The following DHX40 variants were observed in gnomAD, a reference collection of about 807,000 sequenced individuals.
DHX40 encodes probable ATP-dependent RNA helicase DHX40.
In DHX40, 28 loss-of-function variants were observed where a neutral mutation model predicts 89.6. That is an observed-to-expected ratio of 0.31 (90% CI 0.23 to 0.43). DHX40 has a LOEUF of 0.43. Among genes scored for constraint, DHX40 ranks in the 20% least tolerant of loss-of-function variants. The pLI is 1.00. For synonymous variants in DHX40, 226 were observed against 283.6 expected, an observed-to-expected ratio of 0.80 and a Z score of 2.04; for missense variants, 457 against 844.0, an observed-to-expected ratio of 0.54 and a Z score of 5.68.
chr17:59,605,640 A>G lies in DHX40; in HGVS notation c.2166A>G (p.Arg722=), dbSNP rs879331825. 6.2e-7 allele frequency: 1 copy of G among 1,613,564 alleles called. No individual in the cohort carries two copies. The highest frequency in any genetic ancestry group is 8.5e-7 in the Non-Finnish European group (1 of 1,179,862). ...RREVREDARR[R]WTNKENVKQL... ...AAGTGAGAGAAGATGCAAGAAGGAGATGGACAAATAAGGAAAATGTAAAGC... is the reference window on the plus strand; with the variant it reads ...AAGTGAGAGAAGATGCAAGAAGGAGGTGGACAAATAAGGAAAATGTAAAGC... The change falls in exon 17 of 18, where the codon AGA becomes AGG. Residue 722 remains arginine (R), a synonymous_variant. Transcript: ENST00000251241.
intron 14 of DHX40, among the ~76,000 whole-genome samples, chr17:59,601,030 A>G (rs773061377): frequency 6.6e-6 from 1 of 151,356 alleles, no homozygotes; most frequent in Admixed American, 6.6e-5. Flanking sequence ...CCGACAGTGC[A>G]TGGTAGCTCA....
intron 2 of DHX40, among the ~76,000 whole-genome samples, chr17:59,570,076 A>G (rs912356382): frequency 5.7e-5 from 6 of 104,976 alleles, no homozygotes; most frequent in Admixed American, 5.7e-4. Flanking sequence ...ATTATAATGT[A>G]TATTTATATA....
At chr17:59,594,109 G>A (rs1200232774) in intron 12 of DHX40, among the ~76,000 whole-genome samples, 2 of 152,088 alleles carry the variant, frequency 1.3e-5, no homozygotes, top group Non-Finnish European at 2.9e-5. Flanking sequence ...TTCTCAGAAG[G>A]CACAGCTTTG....
At chr17:59,569,192 G>A (rs2048751749) in intron 2 of DHX40, among the ~76,000 whole-genome samples, 1 of 152,126 alleles carries the variant, frequency 6.6e-6, no homozygotes, top group Admixed American at 6.6e-5. Context: ...GCTGGGTGTG[G>A]TGGCGCGCAC....
intron 2 of DHX40, 28 bp downstream of exon 2, chr17:59,566,822 A>C (rs754520733): frequency 7.1e-6 from 11 of 1,540,038 alleles, no homozygotes; most frequent in Non-Finnish European, 9.6e-6. Flanking sequence ...TAATAATTGG[A>C]AATATTTTAA....
Position 59,588,057 on chromosome 17 carries a change from A to G in DHX40, c.1582+4A>G. 2 of 1,611,812 alleles carry G rather than the reference A, an allele frequency of 1.2e-6. No individual in the cohort carries two copies. Among genetic ancestry groups the G allele is most frequent in the Non-Finnish European group, 1.7e-6 (2 of 1,179,168 alleles). On this transcript the variant is annotated splice_donor_region_variant and intron_variant, in intron 12 of 17. Coordinates refer to ENST00000251241, the MANE Select transcript of DHX40 (RefSeq NM_024612.5). ...GAAAACGTCTTCATTAGACCTGGTAAGATGTTTATTTTAAGTTGTGTTTTT... is the reference window on the plus strand; with the variant it reads ...GAAAACGTCTTCATTAGACCTGGTAGGATGTTTATTTTAAGTTGTGTTTTT...
chr17:59,599,855 A>T (rs2030370744), intron 14 of DHX40, among the ~76,000 whole-genome samples: 1 of 140,872 alleles, frequency 7.1e-6, no homozygotes, highest in South Asian at 2.2e-4. Context: ...ATGGAGTCTC[A>T]CTCTGTCACC....
chr17:59,567,482 G>A (rs992744799), intron 2 of DHX40, among the ~76,000 whole-genome samples: 1 of 152,194 alleles, frequency 6.6e-6, no homozygotes, highest in African/African-American at 2.4e-5. Context: ...ACTTTGAAAT[G>A]AGCAATCTGC....
rs369271803 is a variant in DHX40, at chr17:59,569,857, C to T, written c.281-661C>T. 4.6e-3 allele frequency among the ~76,000 whole-genome samples: 670 copies of T among 145,278 alleles called. 12 individuals carry two copies. The South Asian group carries it at 0.05, about 11-fold the overall frequency. ...GGTTGGGAGTACAAGACCAGCCTGA[C>T]CAACAGGGAAAAAACCCGTCTCTGC... On this transcript the variant is annotated intron_variant, in intron 2 of 17. Transcript: ENST00000251241.
In DHX40 at chr17:59,607,353, C is replaced by G. The variant is rs2030932086; in HGVS notation, c.*181C>G. On this transcript the variant is annotated 3_prime_UTR_variant, in exon 18 of 18. Transcript: ENST00000251241. ...CATCAGTTCCCATAAATGCAGTTGT[C>G]AAAGAAAAGATTTGGTTGCCATAGT... 8 of 1,242,140 alleles carry G rather than the reference C, an allele frequency of 6.4e-6. No homozygotes were observed. Among genetic ancestry groups the G allele is most frequent in the Non-Finnish European group, 9.1e-6 (8 of 883,290 alleles). 76.9% of individuals were successfully genotyped at this position (1,242,140 alleles called of 1,614,324 possible). A position where few individuals can be genotyped will look rare whatever the true frequency, so the allele number is the denominator to read the frequency against.
intron 2 of DHX40, among the ~76,000 whole-genome samples, chr17:59,567,680 A>G (rs1043864049): frequency 6.6e-6 from 1 of 152,064 alleles, no homozygotes; most frequent in African/African-American, 2.4e-5. Flanking sequence ...TAATCCCAGC[A>G]CTTTGGGAGC....
chr17:59,606,829 GGTCA>G (rs1209235515), intron 17 of DHX40, among the ~76,000 whole-genome samples, 200 bp from the exon 18 acceptor site: 4 of 151,912 alleles, frequency 2.6e-5, no homozygotes, highest in Admixed American at 1.3e-4. Context: ...CTTGAATTAG[GGTCA>G]GTTTTTCTGA....
intron 12 of DHX40, among the ~76,000 whole-genome samples, chr17:59,596,509 A>G (rs1406463294): frequency 6.6e-6 from 1 of 152,230 alleles, no homozygotes; most frequent in Non-Finnish European, 1.5e-5. Flanking sequence ...TGGATGTTGC[A>G]GTGAGCCAAG....
intron 2 of DHX40, among the ~76,000 whole-genome samples, chr17:59,569,971 G>T (rs1003010613): frequency 2.1e-5 from 3 of 142,990 alleles, no homozygotes; most frequent in Admixed American, 7.5e-5. Context: ...TTGAACCTGG[G>T]ACGCAGAGGT....
rs759920447 is a variant in DHX40, at chr17:59,602,564, G to A, written c.1849G>A (p.Glu617Lys). 15 of 1,613,710 alleles carry A rather than the reference G, an allele frequency of 9.3e-6. No homozygotes were observed. Residue 617 changes from glutamate to lysine, a missense_variant, in exon 15 of 18, where the codon GAA becomes AAA. Transcript: ENST00000251241. ...AGAGACCTTTGAAGGCCCTAAACATGAAGTACTACGAAGATGTCTTTGTGC... is the reference window on the plus strand; with the variant it reads ...AGAGACCTTTGAAGGCCCTAAACATAAAGTACTACGAAGATGTCTTTGTGC... ...PKETFEGPKHEVLRRCLCAGY... is the reference protein window; with the variant it reads ...PKETFEGPKHKVLRRCLCAGY...
At chr17:59,592,930 G>T (rs2049104384) in intron 12 of DHX40, among the ~76,000 whole-genome samples, 1 of 101,318 alleles carries the variant, frequency 9.9e-6, no homozygotes, top group Non-Finnish European at 1.7e-5. Context: ...TCTTGTGTCT[G>T]GCTTCTTTCA....
At chr17:59,605,704 C>G (rs2030802047) in intron 17 of DHX40, 30 bp downstream of exon 17, 2 of 1,578,156 alleles carry the variant, frequency 1.3e-6, no homozygotes. Context: ...TACTCTTAAC[C>G]ACTATGCCAT....
chr17:59,570,775 C>G (rs545692718), intron 3 of DHX40, 112 bp downstream of exon 3: 1 of 1,165,504 alleles, frequency 8.6e-7, no homozygotes, highest in Non-Finnish European at 1.2e-6. Flanking sequence ...CCTCTACCTT[C>G]TGGGCTCAAG....
At chr17:59,598,933 C>T in intron 13 of DHX40, 82 bp downstream of exon 13, 1 of 801,668 alleles carries the variant, frequency 1.2e-6, no homozygotes. Flanking sequence ...GCTTGTGACA[C>T]TAACGTTCAG....
Sources: allele counts gnomAD v4.1 joint callset (sites outside exome capture counted in the v4.1 genomes callset), GRCh38; gene constraint gnomAD v4.1.1; transcripts MANE v1.5; gene names NCBI Gene and HGNC (gene_info 2026-07-23, HGNC 2026-07-21).